The following KIAA1217 variants were observed in gnomAD, a reference collection of about 807,000 sequenced individuals.
KIAA1217 encodes the protein sickle tail protein homolog.
KIAA1217 carries 88 observed loss-of-function variants against 163.9 expected under a neutral mutation model. The ratio of observed to expected loss-of-function variants is 0.54; its 90% CI spans 0.45 to 0.64. The LOEUF is 0.64. Among genes scored for constraint, KIAA1217 ranks in the 30% least tolerant of loss-of-function variants. The pLI is 0.00. For synonymous variants in KIAA1217, 903 were observed against 923.1 expected (o/e 0.98, Z 0.39); for missense variants, 2,372 against 2,475.0 (o/e 0.96, Z 0.88).
At chr10:24,392,626 GA>G (rs141779088) in intron 3 of KIAA1217, among the ~76,000 whole-genome samples, 3,635 of 152,258 alleles carry the variant, frequency 0.024, 69 homozygotes, top group Non-Finnish European at 0.036. Context: ...AAGAGAGTTA[GA>G]AAAGTCATTT....
intron 1 of KIAA1217, among the ~76,000 whole-genome samples, chr10:23,985,057 C>CTATACCTG (rs1209980877): frequency 4.7e-4 from 71 of 152,214 alleles, no homozygotes; most frequent in African/African-American, 1.6e-3. Flanking sequence ...GCTGAACAGG[C>CTATACCTG]TTCTAGGAGA....
At chr10:23,757,729 G>C (rs1047806339) in intron 1 of KIAA1217, among the ~76,000 whole-genome samples, 8 of 152,008 alleles carry the variant, frequency 5.3e-5, no homozygotes, top group Non-Finnish European at 4.4e-5. Context: ...TGTTGGCCAG[G>C]CTGGTCTTGA....
At chr10:24,282,823 CTTTTTTTTTTT>C (rs34486953) in intron 2 of KIAA1217, among the ~76,000 whole-genome samples, 3 of 46,236 alleles carry the variant, frequency 6.5e-5, no homozygotes, top group African/African-American at 8.8e-5. Flanking sequence ...GGTGTTGCTT[CTTTTTTTTTTT>C]TTTTTTTTTT....
chr10:23,892,369 G>T (rs1204380867), intron 1 of KIAA1217, among the ~76,000 whole-genome samples: 1 of 151,784 alleles, frequency 6.6e-6, no homozygotes, highest in Non-Finnish European at 1.5e-5. Context: ...TTAAACTTAG[G>T]GAAATAAAAT....
At chr10:24,218,490 T>TC (rs1205285866) in intron 1 of KIAA1217, among the ~76,000 whole-genome samples, 3 of 84,388 alleles carry the variant, frequency 3.6e-5, no homozygotes, top group Non-Finnish European at 9.8e-5. Context: ...GATTGTTACT[T>TC]TTTTTTTTTT....
chr10:24,332,214 G>C (rs182461189), intron 2 of KIAA1217, among the ~76,000 whole-genome samples: 3 of 152,344 alleles, frequency 2.0e-5, no homozygotes, highest in Admixed American at 2.0e-4. Flanking sequence ...GAGAAGAGCT[G>C]ACAAAAGGCC....
chr10:24,216,236 G>A (rs1416040171), intron 1 of KIAA1217, among the ~76,000 whole-genome samples: 1 of 152,068 alleles, frequency 6.6e-6, no homozygotes, highest in Non-Finnish European at 1.5e-5. Context: ...GAAGAAAGAG[G>A]GTTTATTGTC....
rs371091955 is a variant in KIAA1217 at position 23,909,471 on chromosome 10, A to G, written c.-320-97754A>G. Among the ~76,000 whole-genome samples the G allele has an allele frequency of 3.9e-5, 6 of 152,250 alleles. No homozygotes were observed. The East Asian group carries it at 9.6e-4, about 24-fold the overall frequency. The stretch of plus-strand genomic sequence containing the variant: ...ATATTCCAAGCCTCAGCATCATGCA[A>G]TATACTCATGTAATAAACCTAAATG... On this transcript the variant is annotated intron_variant, in intron 1 of 18. Transcript: ENST00000376462.
intron 2 of KIAA1217, among the ~76,000 whole-genome samples, chr10:24,359,053 CT>C (rs60810967): frequency 0.11 from 14,432 of 132,560 alleles, 593 homozygotes; most frequent in Middle Eastern, 0.17. Context: ...TTCTTTCTTT[CT>C]TTTTTCTTTT....
chr10:24,140,016 T>C (rs1458772745), intron 2 of KIAA1217, among the ~76,000 whole-genome samples: 1 of 151,806 alleles, frequency 6.6e-6, no homozygotes, highest in East Asian at 1.9e-4. Flanking sequence ...CTTTTTTTTT[T>C]TCCCCCTTAT....
In KIAA1217 at chr10:24,250,613, T is replaced by TTTTTTTTTTTTGA. The variant is rs1564343046; in HGVS notation, c.354+30704_354+30705insTTTTTTTTTTTGA. Among the ~76,000 whole-genome samples, 4 of 29,940 alleles carry TTTTTTTTTTTTGA rather than the reference T, an allele frequency of 1.3e-4. 2 individuals carry two copies. Among genetic ancestry groups the TTTTTTTTTTTTGA allele is most frequent in the Non-Finnish European group, 2.2e-4 (4 of 18,132 alleles). 19.6% of individuals were successfully genotyped at this position (29,940 alleles called of 152,430 possible). A position where few individuals can be genotyped will look rare whatever the true frequency, so the allele number is the denominator to read the frequency against. ...ACGCCTTGCTAATTTTTTTTTTTTT[T>TTTTTTTTTTTTGA]GTATTGTTAATAGAGACGGAGTTTC... On this transcript the variant is annotated intron_variant, in intron 2 of 20. Transcript: ENST00000376454.
At chr10:24,027,053 G>A (rs1055772879) in intron 2 of KIAA1217, among the ~76,000 whole-genome samples, 7 of 151,624 alleles carry the variant, frequency 4.6e-5, no homozygotes, top group Non-Finnish European at 8.8e-5. Context: ...CCAAATATTT[G>A]GGGCTTTAAA....
At chr10:24,437,391 A>G (rs1355336429) in intron 4 of KIAA1217, among the ~76,000 whole-genome samples, 3 of 152,258 alleles carry the variant, frequency 2.0e-5, no homozygotes, top group Admixed American at 6.5e-5. Context: ...GACTAGTCCA[A>G]GAATCCTCCA....
chr10:23,893,399 T>C (rs1015342060), intron 1 of KIAA1217, among the ~76,000 whole-genome samples: 3 of 152,096 alleles, frequency 2.0e-5, no homozygotes, highest in Non-Finnish European at 4.4e-5. Flanking sequence ...TTTATTAGTC[T>C]TGCTAGTGGT....
At chr10:23,901,719 C>T (rs778034067) in intron 1 of KIAA1217, among the ~76,000 whole-genome samples, 1 of 151,590 alleles carries the variant, frequency 6.6e-6, no homozygotes, top group Non-Finnish European at 1.5e-5. Context: ...GACCAGTGGG[C>T]CAAAATGGTG....
At chr10:24,179,965 T>C (rs1589798845) in intron 2 of KIAA1217, among the ~76,000 whole-genome samples, 1 of 152,210 alleles carries the variant, frequency 6.6e-6, no homozygotes, top group Non-Finnish European at 1.5e-5. Context: ...AGTAAGTATA[T>C]GGAGGAAACT....
At chr10:24,523,474 C>A (rs1262278796) in intron 12 of KIAA1217, among the ~76,000 whole-genome samples, 1 of 152,080 alleles carries the variant, frequency 6.6e-6, no homozygotes, top group Non-Finnish European at 1.5e-5. Context: ...TTATAGAATG[C>A]AATGTCTTTT....
chr10:23,945,530 A>G (rs1330766235), intron 1 of KIAA1217, among the ~76,000 whole-genome samples: 1 of 152,194 alleles, frequency 6.6e-6, no homozygotes, highest in Non-Finnish European at 1.5e-5. Context: ...GTTCTGTTTC[A>G]ATTGTAGTGG....
At chr10:23,933,835 G>T (rs1232976619) in intron 1 of KIAA1217, among the ~76,000 whole-genome samples, 3 of 152,110 alleles carry the variant, frequency 2.0e-5, no homozygotes, top group Non-Finnish European at 2.9e-5. Flanking sequence ...AAACCACAGT[G>T]AGATACCATC....
Sources: allele counts gnomAD v4.1 joint callset (sites outside exome capture counted in the v4.1 genomes callset), GRCh38; gene constraint gnomAD v4.1.1; transcripts MANE v1.5; gene names NCBI Gene and HGNC (gene_info 2026-07-23, HGNC 2026-07-21).